Variants in PATJ observed in about 807,000 individuals in gnomAD.
PATJ encodes PATJ crumbs cell polarity complex component.
A neutral mutation model predicts 224.9 loss-of-function variants in PATJ; 190 were observed. The ratio of observed to expected loss-of-function variants is 0.84; its 90% confidence interval spans 0.75 to 0.95. PATJ has a LOEUF of 0.95. Ranked by LOEUF, PATJ falls within the 40% of genes least tolerant of loss-of-function variation. The pLI, the probability that PATJ is intolerant of heterozygous loss-of-function variation, is 0.00. For missense variants in PATJ, 2,121 were observed against 2,270.3 expected, an observed-to-expected ratio of 0.93 and a Z score of 1.34; for synonymous variants, 769 against 820.3, an observed-to-expected ratio of 0.94 and a Z score of 1.07.
At chr1:61,748,286 G>A (rs1353680591) in intron 1 of PATJ, among the ~76,000 whole-genome samples, 1 of 77,474 alleles carries the variant, frequency 1.3e-5, no homozygotes, top group African/African-American at 5.2e-5. Context: ...GACGAGTCTT[G>A]CTCTTTTGCC....
intron 27 of PATJ, among the ~76,000 whole-genome samples, chr1:61,936,211 C>T (rs1238911740): frequency 6.6e-6 from 1 of 150,894 alleles, no homozygotes; most frequent in Non-Finnish European, 1.5e-5. Flanking sequence ...ATTTAAAATT[C>T]ATTTCACATA....
intron 26 of PATJ, among the ~76,000 whole-genome samples, chr1:61,921,497 G>A (rs1674331337): frequency 6.6e-6 from 1 of 152,106 alleles, no homozygotes; most frequent in African/African-American, 2.4e-5. Flanking sequence ...GCTTGCAGAG[G>A]TGTTTCTTTT....
intron 22 of PATJ, among the ~76,000 whole-genome samples, chr1:61,899,001 C>G (rs1314495874): frequency 6.6e-6 from 1 of 151,892 alleles, no homozygotes; most frequent in Non-Finnish European, 1.5e-5. Flanking sequence ...TTCAGTAGTA[C>G]TATACTAACT....
At chr1:62,030,312 C>T (rs191364184) in intron 29 of PATJ, among the ~76,000 whole-genome samples, 6 of 152,222 alleles carry the variant, frequency 3.9e-5, no homozygotes, top group East Asian at 1.9e-4. Context: ...TTGGCTTTGA[C>T]GTTTACATTA....
At chr1:62,057,160 A>G (rs1024617777) in intron 31 of PATJ, among the ~76,000 whole-genome samples, 2 of 152,214 alleles carry the variant, frequency 1.3e-5, no homozygotes, top group African/African-American at 4.8e-5. Flanking sequence ...GCTAAGAACT[A>G]GAGTTGCTTC....
chr1:62,157,334 G>T (rs1669334709), intron 43 of PATJ, among the ~76,000 whole-genome samples: 1 of 146,982 alleles, frequency 6.8e-6, no homozygotes, highest in Admixed American at 7.2e-5. Context: ...AAAAAAAAAA[G>T]TTATCTTGCT....
At chr1:62,048,562 A>G (rs1429783525) in intron 30 of PATJ, among the ~76,000 whole-genome samples, 7 of 131,320 alleles carry the variant, frequency 5.3e-5, no homozygotes, top group Non-Finnish European at 1.0e-4. Context: ...AAAAAAAAAA[A>G]AAAAAAAAGA....
intron 1 of PATJ, among the ~76,000 whole-genome samples, chr1:61,743,059 A>G (rs1022758237): frequency 2.6e-5 from 4 of 151,822 alleles, no homozygotes; most frequent in African/African-American, 9.7e-5. Flanking sequence ...GAACGGGGTG[A>G]GGGGACAAAG....
chr1:61,871,481 ATGTG>A (rs1435526195), intron 20 of PATJ, among the ~76,000 whole-genome samples: 1 of 50,190 alleles, frequency 2.0e-5, no homozygotes, highest in Non-Finnish European at 3.5e-5. Context: ...ATACATATAT[ATGTG>A]TATATATGTA....
chr1:61,800,026 G>C (rs1399163405), intron 11 of PATJ, among the ~76,000 whole-genome samples: 4 of 152,046 alleles, frequency 2.6e-5, no homozygotes, highest in Admixed American at 6.5e-5. Context: ...TCATGGCTTT[G>C]CTTTTGCAAA....
chr1:61,837,404 A>T (rs1248262134), intron 17 of PATJ, among the ~76,000 whole-genome samples: 1 of 152,152 alleles, frequency 6.6e-6, no homozygotes, highest in East Asian at 1.9e-4. Context: ...TTGTATTCTA[A>T]AATGCAGCCA....
chr1:62,100,317 A>G (rs1661990234), intron 33 of PATJ: 2 of 714,146 alleles, frequency 2.8e-6, no homozygotes, highest in Admixed American at 2.0e-5. Context: ...TTTGGTTCAC[A>G]GTTCTGGAGG....
At chr1:61,774,808 G>C (rs182306019) in intron 6 of PATJ, among the ~76,000 whole-genome samples, 1 of 151,994 alleles carries the variant, frequency 6.6e-6, no homozygotes, top group Non-Finnish European at 1.5e-5. Context: ...TCCCCTCCCT[G>C]TAAAAAATCT....
At chr1:61,875,033 G>A (rs557641563) in intron 20 of PATJ, among the ~76,000 whole-genome samples, 2 of 152,102 alleles carry the variant, frequency 1.3e-5, no homozygotes, top group Non-Finnish European at 2.9e-5. Context: ...AAAAATCCAA[G>A]TTTTAGAATA....
chr1:62,110,550 G>A (rs1472934525), intron 34 of PATJ, among the ~76,000 whole-genome samples: 1 of 152,168 alleles, frequency 6.6e-6, no homozygotes, highest in Non-Finnish European at 1.5e-5. Context: ...GACGAATAAT[G>A]TTTTGGCATG....
At chr1:62,149,554 C>T (rs1668413045) in intron 42 of PATJ, among the ~76,000 whole-genome samples, 1 of 151,110 alleles carries the variant, frequency 6.6e-6, no homozygotes, top group South Asian at 2.1e-4. Flanking sequence ...ATGCCATGAA[C>T]ATATGACAAC....
chr1:61,805,419 C>T (rs111577086), intron 12 of PATJ, 29 bp from the exon 13 acceptor site: 34 of 1,424,028 alleles, frequency 2.4e-5, no homozygotes, highest in Middle Eastern at 1.8e-4. Context: ...AACATTCTCT[C>T]GCTCTCTCTC....
chr1:61,927,865 A>G (rs1435118848), intron 27 of PATJ, 36 bp downstream of exon 27: 2 of 1,368,790 alleles, frequency 1.5e-6, no homozygotes, highest in Admixed American at 2.0e-5. Flanking sequence ...TAGATGCAGA[A>G]CTTATTAAAT....
Position 62,069,490 on chromosome 1 carries a change from A to G in PATJ, c.4126-9960A>G, listed in dbSNP as rs1417455758. Among the ~76,000 whole-genome samples, 3 of 152,262 alleles carry G rather than the reference A, an allele frequency of 2.0e-5. No individual in the cohort carries two copies. In the East Asian group the frequency reaches 5.8e-4, roughly 29 times the overall value. ...TACTCAGGAGATTTTAGCTGTCATA[A>G]TTTTCATCATCATCACGTACCAGCT... On this transcript the variant is annotated intron_variant, in intron 31 of 43. Transcript: ENST00000642238.
Sources: gnomAD v4.1 joint callset for allele counts (sites outside exome capture counted in the v4.1 genomes callset) on GRCh38, gnomAD v4.1.1 for gene constraint, MANE v1.5 for transcripts, NCBI Gene and HGNC (gene_info 2026-07-23, HGNC 2026-07-21) for gene names.